Variants in NAALADL2 observed in about 807,000 individuals in gnomAD.
The protein encoded by NAALADL2 is N-acetylated alpha-linked acidic dipeptidase like 2, also known as inactive N-acetylated-alpha-linked acidic dipeptidase-like protein 2.
NAALADL2 carries 76 observed loss-of-function variants against 87.2 expected under a neutral mutation model. That is an observed-to-expected ratio of 0.87 (90% CI 0.72 to 1.05). NAALADL2 has a LOEUF of 1.05. Ranked by LOEUF, NAALADL2 falls within the 50% of genes least tolerant of loss-of-function variation. The pLI, the probability that NAALADL2 is intolerant of heterozygous loss-of-function variation, is 0.00. For synonymous variants in NAALADL2, 354 were observed against 331.0 expected (o/e 1.07, Z -0.75); for missense variants, 1,089 against 945.8 (o/e 1.15, Z -1.99).
Position 175,090,623 on chromosome 3 carries a change from T to A in NAALADL2, c.44-6167T>A, listed in dbSNP as rs1348471599. On this transcript the variant is annotated intron_variant, in intron 1 of 13. Coordinates refer to ENST00000454872, the MANE Select transcript of NAALADL2 (RefSeq NM_207015.3). ...ATTTTGCAATCTATAGCTCATTAAT[T>A]TGACATTCTATAAGCATACCTTTTA... Among the ~76,000 whole-genome samples, 3 of 151,884 alleles carry A rather than the reference T, an allele frequency of 2.0e-5. No homozygotes were observed. In the East Asian group the frequency reaches 5.8e-4, roughly 30 times the overall value.
chr3:174,958,145 T>TC (rs1579723330), intron 1 of NAALADL2, among the ~76,000 whole-genome samples: 1 of 151,218 alleles, frequency 6.6e-6, no homozygotes, highest in East Asian at 1.9e-4. Flanking sequence ...TTTTTTTTTT[T>TC]CAGTTTCTTT....
intron 1 of NAALADL2, among the ~76,000 whole-genome samples, chr3:174,881,733 G>A (rs1053499389): frequency 6.6e-6 from 1 of 152,012 alleles, no homozygotes; most frequent in African/African-American, 2.4e-5. Flanking sequence ...CTGGCATATA[G>A]TAGGTACTCA....
At chr3:175,524,492 T>C (rs925498462) in intron 9 of NAALADL2, among the ~76,000 whole-genome samples, 4 of 152,194 alleles carry the variant, frequency 2.6e-5, no homozygotes, top group Non-Finnish European at 5.9e-5. Flanking sequence ...AATAAAATCC[T>C]GTGGTTCATA....
chr3:174,996,351 G>T (rs1001025195), intron 1 of NAALADL2, among the ~76,000 whole-genome samples: 1 of 151,808 alleles, frequency 6.6e-6, no homozygotes, highest in Non-Finnish European at 1.5e-5. Context: ...AAAAAAATTA[G>T]CTGGGCGTGG....
intron 3 of NAALADL2, among the ~76,000 whole-genome samples, chr3:174,814,949 G>A (rs561073633): frequency 5.3e-5 from 8 of 152,108 alleles, no homozygotes; most frequent in South Asian, 4.2e-4. Context: ...ATACTTACCC[G>A]GGCCAAAACA....
chr3:175,787,601 G>A (rs1465523164), intron 13 of NAALADL2, among the ~76,000 whole-genome samples: 3 of 151,718 alleles, frequency 2.0e-5, no homozygotes, highest in South Asian at 2.1e-4. Context: ...ACTGACCTGC[G>A]CCCACTGTCT....
At chr3:174,848,319 A>T (rs1386070923) in intron 3 of NAALADL2, among the ~76,000 whole-genome samples, 1 of 152,142 alleles carries the variant, frequency 6.6e-6, no homozygotes, top group African/African-American at 2.4e-5. Context: ...AGCTGACCTT[A>T]CAAGTTGAAC....
chr3:175,062,881 A>T (rs1183276009), intron 1 of NAALADL2, among the ~76,000 whole-genome samples: 1 of 152,120 alleles, frequency 6.6e-6, no homozygotes, highest in Non-Finnish European at 1.5e-5. Flanking sequence ...GGGAAATCAT[A>T]CTTGGATTTC....
intron 1 of NAALADL2, among the ~76,000 whole-genome samples, chr3:174,992,118 A>G (rs1746830647): frequency 2.0e-5 from 3 of 152,216 alleles, no homozygotes; most frequent in South Asian, 2.1e-4. Flanking sequence ...AACAAAATAC[A>G]CAGGTGACTC....
chr3:174,773,211 C>T (rs918853240), intron 3 of NAALADL2, among the ~76,000 whole-genome samples: 3 of 152,150 alleles, frequency 2.0e-5, no homozygotes, highest in Non-Finnish European at 4.4e-5. Context: ...AAGTGGCTCT[C>T]AGGCCTGTTA....
chr3:175,000,828 A>G (rs1485686922), intron 1 of NAALADL2, among the ~76,000 whole-genome samples: 2 of 152,144 alleles, frequency 1.3e-5, no homozygotes, highest in Non-Finnish European at 2.9e-5. Context: ...TAAAACTACC[A>G]TGAGAGGTAA....
intron 3 of NAALADL2, among the ~76,000 whole-genome samples, chr3:174,844,141 T>C (rs952693841): frequency 5.9e-5 from 9 of 152,172 alleles, no homozygotes; most frequent in Non-Finnish European, 1.0e-4. Context: ...AGTAGTTTCA[T>C]AGTTTCAGGT....
chr3:175,561,451 T>A (rs62288386), intron 9 of NAALADL2, among the ~76,000 whole-genome samples: 3 of 152,042 alleles, frequency 2.0e-5, no homozygotes, highest in Non-Finnish European at 4.4e-5. Flanking sequence ...GTGGATTCAG[T>A]TTCCAAAACC....
chr3:174,444,919 A>G (rs1211733253), intron 1 of NAALADL2, among the ~76,000 whole-genome samples: 1 of 152,118 alleles, frequency 6.6e-6, no homozygotes, highest in Non-Finnish European at 1.5e-5. Flanking sequence ...TTGTAGATGT[A>G]TGGTAGAATT....
At chr3:174,741,324 AGTCT>A (rs1366070681) in intron 3 of NAALADL2, among the ~76,000 whole-genome samples, 1 of 151,728 alleles carries the variant, frequency 6.6e-6, no homozygotes, top group Non-Finnish European at 1.5e-5. Flanking sequence ...AGGAAGACTC[AGTCT>A]ATTTGTTTAA....
intron 1 of NAALADL2, among the ~76,000 whole-genome samples, chr3:174,934,667 CAT>C (rs1044928439): frequency 1.3e-5 from 2 of 151,834 alleles, no homozygotes; most frequent in African/African-American, 4.8e-5. Flanking sequence ...AACAACAAAA[CAT>C]AAACAACAAC....
At chr3:175,439,223 A>G (rs1202883443) in intron 5 of NAALADL2, among the ~76,000 whole-genome samples, 1 of 151,938 alleles carries the variant, frequency 6.6e-6, no homozygotes, top group African/African-American at 2.4e-5. Flanking sequence ...GTATACACAT[A>G]CCATATTTCC....
chr3:174,557,779 G>A (rs560967288), intron 2 of NAALADL2, among the ~76,000 whole-genome samples: 68 of 152,058 alleles, frequency 4.5e-4, no homozygotes, highest in African/African-American at 1.6e-3. Context: ...TTTGCTAGGT[G>A]GACTCACCAG....
At chr3:174,883,022 A>AT (rs1729623228) in intron 1 of NAALADL2, among the ~76,000 whole-genome samples, 1 of 151,986 alleles carries the variant, frequency 6.6e-6, no homozygotes, top group African/African-American at 2.4e-5. Flanking sequence ...AGCCAGTCCG[A>AT]GATCCAAAAC....
Sources: gnomAD v4.1 joint callset for allele counts (sites outside exome capture counted in the v4.1 genomes callset) on GRCh38, gnomAD v4.1.1 for gene constraint, MANE v1.5 for transcripts, NCBI Gene and HGNC (gene_info 2026-07-23, HGNC 2026-07-21) for gene names.